ACSBG1: variants seen among roughly 807,000 people sequenced by gnomAD.
The protein encoded by ACSBG1 is long-chain-fatty-acid--CoA ligase ACSBG1.
A neutral mutation model predicts 80.2 loss-of-function variants in ACSBG1; 39 were observed. The observed-to-expected ratio is 0.49, with a 90% CI of 0.38 to 0.64. ACSBG1 has a LOEUF of 0.64. Ranked by LOEUF, ACSBG1 falls within the 30% of genes least tolerant of loss-of-function variation. The pLI is 0.00. For synonymous variants in ACSBG1, 392 were observed against 379.5 expected (o/e 1.03, Z -0.38); for missense variants, 828 against 966.4 (o/e 0.86, Z 1.90).
At chr15:78,218,904 C>T (rs1177694487) in intron 1 of ACSBG1, among the ~76,000 whole-genome samples, 5 of 150,890 alleles carry the variant, frequency 3.3e-5, no homozygotes, top group Admixed American at 6.6e-5. Context: ...CTCTGCCTGC[C>T]GGGTTCAAGA....
At chr15:78,231,703 C>T (rs531959159) in intron 1 of ACSBG1, among the ~76,000 whole-genome samples, 6 of 152,192 alleles carry the variant, frequency 3.9e-5, no homozygotes, top group African/African-American at 1.4e-4. Context: ...ATCCTCCCAC[C>T]TCAGCCTCCT....
intron 2 of ACSBG1, among the ~76,000 whole-genome samples, chr15:78,197,944 C>CA (rs2075130249): frequency 6.6e-6 from 1 of 152,102 alleles, no homozygotes; most frequent in Non-Finnish European, 1.5e-5. Flanking sequence ...CCTCTGTATT[C>CA]ACCTGTTCAC....
chr15:78,205,942 C>T (rs551416433), intron 2 of ACSBG1, among the ~76,000 whole-genome samples: 11 of 152,290 alleles, frequency 7.2e-5, no homozygotes, highest in African/African-American at 1.7e-4. Flanking sequence ...GTCCAAGCTC[C>T]GCTCCAGGCC....
Position 78,209,745 on chromosome 15 carries a change from G to A in ACSBG1, c.132-1643C>T, listed in dbSNP as rs1403545724. 6.0e-4 allele frequency among the ~76,000 whole-genome samples: 92 copies of A among 152,182 alleles called. 1 individual carries two copies. The highest frequency in any genetic ancestry group is 6.0e-3 in the Admixed American group (92 of 15,278). On this transcript the variant is annotated intron_variant, in intron 1 of 13. Transcript: ENST00000258873. Reference sequence around the variant, plus strand: ...CCCATCTCAGCCTGTGTTCTCAGAGGACGGTGGACAGCACCCCAGGTTAGA... The same window carrying A: ...CCCATCTCAGCCTGTGTTCTCAGAGAACGGTGGACAGCACCCCAGGTTAGA...
rs1567079183 is a variant in ACSBG1 at position 78,178,563 on chromosome 15, A to G, written c.1702+51T>C. The G allele has an allele frequency of 6.5e-7, 1 of 1,548,578 alleles. No individual in the cohort carries two copies. The highest frequency in any genetic ancestry group is 8.7e-7 in the Non-Finnish European group (1 of 1,149,392). On this transcript the variant is annotated intron_variant, in intron 11 of 13. Transcript: ENST00000258873. This position sits in a 1 kb window ranked among gnomAD's most constrained non-coding sequence, Gnocchi z 4.3. ...ACAATCTGCCCGCCTTGGCCTCCCA[A>G]AGTGCTGGGATTACAGGCATGAGCC...
intron 11 of ACSBG1, among the ~76,000 whole-genome samples, chr15:78,176,459 G>A (rs541316280): frequency 2.0e-5 from 3 of 151,866 alleles, no homozygotes; most frequent in African/African-American, 7.2e-5. Context: ...TTGATACAAA[G>A]CCAATATGCA....
chr15:78,229,400 A>G (rs941349927), intron 1 of ACSBG1, among the ~76,000 whole-genome samples: 2 of 152,236 alleles, frequency 1.3e-5, no homozygotes, highest in South Asian at 4.1e-4. Flanking sequence ...TCCATGTTTA[A>G]GGACACTTGT....
rs188959738 is a variant in ACSBG1, at chr15:78,185,802, C to T, written c.664-3017G>A. Reference sequence around the variant, plus strand: ...GTGGAGAGGAACGAAAATAAGATATCGTAGACGTCTTGTTAGAAATGATGC... The same window carrying T: ...GTGGAGAGGAACGAAAATAAGATATTGTAGACGTCTTGTTAGAAATGATGC... On this transcript the variant is annotated intron_variant, in intron 5 of 13. Transcript: ENST00000258873. Among the ~76,000 whole-genome samples the T allele has an allele frequency of 1.1e-4, 16 of 151,648 alleles. No individual in the cohort carries two copies. The East Asian group carries it at 3.1e-3, about 29-fold the overall frequency.
intron 9 of ACSBG1, 35 bp downstream of exon 9, chr15:78,180,720 T>C: frequency 6.2e-7 from 1 of 1,600,366 alleles, no homozygotes; most frequent in East Asian, 2.2e-5. Context: ...CAGCCCACTC[T>C]CTCCCCAGGC....
intron 5 of ACSBG1, among the ~76,000 whole-genome samples, chr15:78,184,594 C>T (rs1196927178): frequency 1.3e-5 from 2 of 152,108 alleles, no homozygotes; most frequent in African/African-American, 2.4e-5. Context: ...AAAAGAAATA[C>T]AAGAATAAAT....
chr15:78,225,434 AAAAT>A (rs1164426638), intron 1 of ACSBG1, among the ~76,000 whole-genome samples: 4 of 133,108 alleles, frequency 3.0e-5, no homozygotes, highest in African/African-American at 1.1e-4. Context: ...TAAATAAATA[AAAAT>A]AAATTAAAAA....
chr15:78,178,587 C>T lies in ACSBG1; in HGVS notation c.1702+27G>A. 6.3e-7 allele frequency: 1 copy of T among 1,580,256 alleles called. No individual in the cohort carries two copies. The highest frequency in any genetic ancestry group is 8.6e-7 in the Non-Finnish European group (1 of 1,163,980). ...AAAGTGCTGGGATTACAGGCATGAG[C>T]CACCGTGCCTGGCCTGGGGTGCTCA... On this transcript the variant is annotated intron_variant, in intron 11 of 13. Coordinates refer to ENST00000258873, the MANE Select transcript of ACSBG1 (RefSeq NM_015162.5). This position sits in a 1 kb window ranked among gnomAD's most constrained non-coding sequence, Gnocchi z 4.3.
chr15:78,231,319 C>T (rs996115575), intron 1 of ACSBG1, among the ~76,000 whole-genome samples: 14 of 151,130 alleles, frequency 9.3e-5, no homozygotes, highest in African/African-American at 3.2e-4. Context: ...TTAGTAGAGA[C>T]GGGGTTTCTC....
At chr15:78,215,901 G>A (rs1432690037) in intron 1 of ACSBG1, among the ~76,000 whole-genome samples, 2 of 151,986 alleles carry the variant, frequency 1.3e-5, no homozygotes. Flanking sequence ...CTACCCTTTC[G>A]TCTCCTTACA....
intron 1 of ACSBG1, among the ~76,000 whole-genome samples, chr15:78,225,401 C>CAATA (rs148506728): frequency 0.51 from 73,415 of 142,972 alleles, 20,485 homozygotes; most frequent in Non-Finnish European, 0.62. Context: ...AACTCTGTCT[C>CAATA]AATAAATAAA....
In ACSBG1 at chr15:78,178,015, G is replaced by C. The variant is rs945668707; in HGVS notation, c.1702+599C>G. Reference sequence around the variant, plus strand: ...AATACTTACGCTCCTGAATCTTCTGGAAAGACTTGCCTTGTTTCTCTAGGG... The same window carrying C: ...AATACTTACGCTCCTGAATCTTCTGCAAAGACTTGCCTTGTTTCTCTAGGG... On this transcript the variant is annotated intron_variant, in intron 11 of 13. Transcript: ENST00000258873. The surrounding 1 kb of genome is among the most constrained non-coding windows in gnomAD (Gnocchi z 4.3). Among the ~76,000 whole-genome samples, 1 of 152,116 alleles carries C rather than the reference G, an allele frequency of 6.6e-6. No individual in the cohort carries two copies. Among genetic ancestry groups the C allele is most frequent in the African/African-American group, 2.4e-5 (1 of 41,424 alleles).
At chr15:78,215,774 G>GAAAGAA (rs2075306703) in intron 1 of ACSBG1, among the ~76,000 whole-genome samples, 1 of 146,504 alleles carries the variant, frequency 6.8e-6, no homozygotes. Flanking sequence ...AAGAAAGAAA[G>GAAAGAA]AAAGAAAGAA....
At chr15:78,207,917 T>TCCCCCCCACCACCCCCCCCC in intron 2 of ACSBG1, 85 bp downstream of exon 2, 5 of 876,062 alleles carry the variant, frequency 5.7e-6, no homozygotes, top group East Asian at 2.7e-5. Flanking sequence ...TGTGTGGTGG[T>TCCCCCCCACCACCCCCCCCC]CCCCCACACC....
intron 1 of ACSBG1, among the ~76,000 whole-genome samples, chr15:78,216,231 T>C (rs1290197129): frequency 1.3e-5 from 2 of 152,166 alleles, no homozygotes; most frequent in East Asian, 3.9e-4. Flanking sequence ...GGATGTTGCA[T>C]GGGACGAGGG....
Sources: allele counts gnomAD v4.1 joint callset (sites outside exome capture counted in the v4.1 genomes callset), GRCh38; gene constraint gnomAD v4.1.1; non-coding constraint Gnocchi (gnomAD v3.1); transcripts MANE v1.5; gene names NCBI Gene and HGNC (gene_info 2026-07-23, HGNC 2026-07-21).